BLNK: variants seen among roughly 807,000 people sequenced by gnomAD.
The protein encoded by BLNK is B-cell linker protein.
In BLNK, 29 loss-of-function variants were observed where a neutral mutation model predicts 73.5. The observed-to-expected ratio is 0.39, with a 90% confidence interval of 0.29 to 0.54. BLNK has a LOEUF of 0.54. Ranked by LOEUF, BLNK falls within the 20% of genes least tolerant of loss-of-function variation. The pLI is 0.61. For synonymous variants in BLNK, 176 were observed against 200.8 expected, an observed-to-expected ratio of 0.88 and a Z score of 1.04; for missense variants, 460 against 562.8, an observed-to-expected ratio of 0.82 and a Z score of 1.85.
At chr10:96,260,199 C>T (rs1412858169) in intron 1 of BLNK, among the ~76,000 whole-genome samples, 1 of 152,154 alleles carries the variant, frequency 6.6e-6, no homozygotes, top group Non-Finnish European at 1.5e-5. Context: ...AAGGGAGACT[C>T]CTGTGTTCAT....
chr10:96,228,161 G>A (rs186621597), intron 4 of BLNK, among the ~76,000 whole-genome samples: 1 of 148,480 alleles, frequency 6.7e-6, no homozygotes, highest in East Asian at 2.0e-4. Context: ...GTGCAGTGGC[G>A]CAATCTCAGC....
chr10:96,252,918 T>C lies in BLNK; in HGVS notation c.48-5869A>G, dbSNP rs541462928. 1.1e-4 allele frequency among the ~76,000 whole-genome samples: 16 copies of C among 152,268 alleles called. No homozygotes were observed. In the East Asian group the frequency reaches 3.1e-3, roughly 29 times the overall value. ...CTGTTGGTGGGGGATAGGCTGTCTT[T>C]GCTGTCACTCATCCTGCAAAGACTC... On this transcript the variant is annotated intron_variant, in intron 1 of 16. Transcript: ENST00000224337.
At chr10:96,207,824 A>G in intron 10 of BLNK, 48 bp downstream of exon 10, 1 of 1,602,408 alleles carries the variant, frequency 6.2e-7, no homozygotes, top group Non-Finnish European at 8.6e-7. Flanking sequence ...GGATAAGAAT[A>G]AACACTGCAG....
intron 1 of BLNK, among the ~76,000 whole-genome samples, chr10:96,253,921 T>C (rs1476426893): frequency 6.6e-6 from 1 of 151,616 alleles, no homozygotes; most frequent in South Asian, 2.1e-4. Context: ...CTCGGGAGGC[T>C]GAGACAGGAG....
rs1554899937 is a variant in BLNK at position 96,216,698 on chromosome 10, T to A, written c.562A>T (p.Asn188Tyr). The A allele has an allele frequency of 6.2e-7, 1 of 1,614,086 alleles. No homozygotes were observed. The highest frequency in any genetic ancestry group is 8.5e-7 in the Non-Finnish European group (1 of 1,179,998). The change falls in exon 7 of 17, where the codon AAC (asparagine) becomes TAC (tyrosine). Residue 188 changes from asparagine (N) to tyrosine (Y), a missense_variant. By Grantham distance (143) the Asn-to-Tyr change is moderately radical. Around this residue, in one of 3 missense-constraint regions of BLNK, gnomAD observed 233 missense variants for 232.1 expected, o/e 1.00. Transcript: ENST00000224337. ...CTGCTTTCTGTGGGATGAATATAGT[T>A]TTCATCATTATCTTCCACGGGGACC... ...YVVPVEDNDE[N>Y]YIHPTESSSP...
chr10:96,228,135 T>C (rs1338603028), intron 4 of BLNK, among the ~76,000 whole-genome samples: 1 of 151,256 alleles, frequency 6.6e-6, no homozygotes, highest in Non-Finnish European at 1.5e-5. Flanking sequence ...AGTCTCACTC[T>C]GTTGCCCAGA....
At chr10:96,249,159 T>C (rs1468425711) in intron 1 of BLNK, among the ~76,000 whole-genome samples, 12 of 152,376 alleles carry the variant, frequency 7.9e-5, no homozygotes, top group Non-Finnish European at 1.3e-4. Flanking sequence ...ATTGTTCTTG[T>C]AGGAAATGGT....
rs782050505 is a variant in BLNK, at chr10:96,192,082, C to T, written c.1262G>A (p.Ser421Asn). ...ATGATTCCTGATGATTTCAGCAACA[C>T]TTCCAAAGTACTAGAGGAAGAAAAC... ...RKKNGEEYFG[S>N]VAEIIRNHQH... The change falls in exon 17 of 17, where the codon AGT (serine) becomes AAT (asparagine). Residue 421 changes from serine (S) to asparagine (N), a missense_variant. Ser to Asn is a conservative substitution (Grantham distance 46, BLOSUM62 1). This residue lies in a region of BLNK where 88 missense variants were observed against 143.4 expected (regional missense o/e 0.61). Transcript: ENST00000224337. 3.1e-6 allele frequency: 5 copies of T among 1,613,572 alleles called. No homozygotes were observed. The Admixed American group carries it at 6.7e-5, about 22-fold the overall frequency.
chr10:96,250,953 C>A (rs538667187), intron 1 of BLNK, among the ~76,000 whole-genome samples: 1 of 152,280 alleles, frequency 6.6e-6, no homozygotes, highest in Admixed American at 6.5e-5. Flanking sequence ...TACATGCAAA[C>A]AATGTGTAAT....
intron 2 of BLNK, among the ~76,000 whole-genome samples, chr10:96,246,055 T>C (rs1554907505): frequency 1.3e-5 from 2 of 152,094 alleles, no homozygotes; most frequent in Non-Finnish European, 2.9e-5. Context: ...GAGACTTACC[T>C]ACTAAGGTAT....
chr10:96,224,241 G>A (rs1466771975), intron 5 of BLNK, among the ~76,000 whole-genome samples: 2 of 152,228 alleles, frequency 1.3e-5, no homozygotes, highest in East Asian at 1.9e-4. Flanking sequence ...GACACCCAGA[G>A]GTTCAGGAGA....
chr10:96,220,282 A>G (rs2084166295), intron 6 of BLNK, among the ~76,000 whole-genome samples: 2 of 152,092 alleles, frequency 1.3e-5, no homozygotes, highest in Admixed American at 1.3e-4. Flanking sequence ...TGTCCATGTC[A>G]TTAATCTTGT....
At chr10:96,228,087 TTTTTTTTC>T in intron 4 of BLNK, among the ~76,000 whole-genome samples, 1 of 14,156 alleles carries the variant, frequency 7.1e-5, no homozygotes, top group South Asian at 0.01. Flanking sequence ...GTTTGCTCTC[TTTTTTTTC>T]TTTTTTTTTT....
At chr10:96,218,938 A>C (rs1432124370) in intron 6 of BLNK, among the ~76,000 whole-genome samples, 1 of 152,202 alleles carries the variant, frequency 6.6e-6, no homozygotes, top group Non-Finnish European at 1.5e-5. Flanking sequence ...GAGGGAGATG[A>C]GGCTTTGGAA....
chr10:96,208,052 G>A (rs587685758), intron 9 of BLNK, among the ~76,000 whole-genome samples, 153 bp from the exon 10 acceptor site: 2 of 152,246 alleles, frequency 1.3e-5, no homozygotes, highest in African/African-American at 2.4e-5. Flanking sequence ...GGATGGAAGT[G>A]GGATTTAGTT....
intron 11 of BLNK, among the ~76,000 whole-genome samples, chr10:96,205,881 T>A (rs1554897326): frequency 6.6e-6 from 1 of 152,214 alleles, no homozygotes; most frequent in African/African-American, 2.4e-5. Flanking sequence ...CCATGAAGTC[T>A]GCACAGGTTG....
At chr10:96,215,517 G>A (rs1003456867) in intron 7 of BLNK, 128 bp from the exon 8 acceptor site, 3 of 747,560 alleles carry the variant, frequency 4.0e-6, no homozygotes, top group Middle Eastern at 3.8e-4. Flanking sequence ...TGCAAAGAAT[G>A]GGAGACACCC....
intron 10 of BLNK, among the ~76,000 whole-genome samples, chr10:96,207,493 C>T (rs1554897695): frequency 6.6e-6 from 1 of 152,220 alleles, no homozygotes; most frequent in African/African-American, 2.4e-5. Flanking sequence ...CCAGGTTCAC[C>T]ATGTTCTGGC....
At position 96,259,670 on chromosome 10, in the gene BLNK, CTTTTT is replaced by C. The variant is rs57821919; in HGVS notation, c.47+11677_47+11681del. ...TTTCTCCAAACAGTTCACACCCTAC[CTTTTT>C]TTTTTTTTTTTTTTTTTTGCTTGTT... On this transcript the variant is annotated intron_variant, in intron 1 of 16. Transcript: ENST00000224337. Among the ~76,000 whole-genome samples the C allele has an allele frequency of 2.2e-4, 10 of 44,872 alleles. No homozygotes were observed. In the East Asian group the frequency reaches 3.2e-3, roughly 14 times the overall value. The allele number at this position is 44,872 out of a possible 152,430, so 29.4% of individuals were successfully genotyped here.
Sources: allele counts gnomAD v4.1 joint callset (sites outside exome capture counted in the v4.1 genomes callset), GRCh38; gene constraint gnomAD v4.1.1; regional missense constraint gnomAD v4.1.1; transcripts MANE v1.5; gene names NCBI Gene and HGNC (gene_info 2026-07-23, HGNC 2026-07-21).